The following ADAMTSL1 variants were observed in gnomAD, a reference collection of about 807,000 sequenced individuals.
ADAMTSL1 encodes ADAMTS-like protein 1.
ADAMTSL1 carries 126 observed loss-of-function variants against 201.8 expected under a neutral mutation model. The observed-to-expected ratio is 0.62, with a 90% CI of 0.54 to 0.72. The LOEUF is 0.72. Ranked by LOEUF, ADAMTSL1 falls within the 30% of genes least tolerant of loss-of-function variation. ADAMTSL1 has a pLI of 0.00. For synonymous variants in ADAMTSL1, 1,121 were observed against 903.4 expected (o/e 1.24, Z -4.32); for missense variants, 2,679 against 2,277.8 (o/e 1.18, Z -3.59).
intron 20 of ADAMTSL1, among the ~76,000 whole-genome samples, chr9:18,804,950 A>C (rs1166277226): frequency 1.3e-5 from 2 of 152,168 alleles, no homozygotes; most frequent in Non-Finnish European, 2.9e-5. Flanking sequence ...ATAATACTTC[A>C]TTGCTTTAAA....
chr9:18,599,748 T>A (rs1022850782), intron 4 of ADAMTSL1, among the ~76,000 whole-genome samples: 2 of 151,554 alleles, frequency 1.3e-5, no homozygotes, highest in Non-Finnish European at 2.9e-5. Context: ...CTGTAAAAAT[T>A]TGAATTAGTT....
intron 2 of ADAMTSL1, among the ~76,000 whole-genome samples, chr9:18,347,802 C>G (rs759688459): frequency 1.8e-4 from 28 of 152,112 alleles, no homozygotes; most frequent in Non-Finnish European, 3.5e-4. Flanking sequence ...TTGTTTCAAG[C>G]ACTGCTTTGT....
At chr9:18,290,787 T>TTTTGTTTG (rs1563862919) in intron 2 of ADAMTSL1, among the ~76,000 whole-genome samples, 2 of 146,102 alleles carry the variant, frequency 1.4e-5, no homozygotes, top group Non-Finnish European at 3.0e-5. Context: ...GTGTGTTTTT[T>TTTTGTTTG]TTTTTTTTTT....
intron 2 of ADAMTSL1, among the ~76,000 whole-genome samples, chr9:18,232,630 T>C (rs1477578624): frequency 3.3e-5 from 5 of 152,162 alleles, no homozygotes; most frequent in Non-Finnish European, 7.3e-5. Context: ...GTGGAATGGG[T>C]CTCTGTAGTT....
At chr9:18,728,382 T>C (rs922181526) in intron 15 of ADAMTSL1, among the ~76,000 whole-genome samples, 1 of 152,104 alleles carries the variant, frequency 6.6e-6, no homozygotes, top group African/African-American at 2.4e-5. Context: ...CTGGGAAATG[T>C]CTTTATATAG....
Position 18,770,680 on chromosome 9 carries a change from G to T in ADAMTSL1, c.2296G>T (p.Glu766Ter). Residue 766 changes from glutamate (E) to a stop codon, truncating the protein, a stop_gained, in exon 17 of 29, where the codon GAG becomes TAG. Transcript: ENST00000380548. LOFTEE classifies it high-confidence loss of function. ...KQRMADGSFL[E>*]LPETFCSASK... ...GCGCATGGCTGATGGCAGCTTCCTGGAGCTTCCTGAGACCTTCTGTTCAGC... is the reference window on the plus strand; with the variant it reads ...GCGCATGGCTGATGGCAGCTTCCTGTAGCTTCCTGAGACCTTCTGTTCAGC... 6.2e-7 allele frequency: 1 copy of T among 1,613,684 alleles called. No individual in the cohort carries two copies. The highest frequency in any genetic ancestry group is 8.5e-7 in the Non-Finnish European group (1 of 1,179,830).
intron 1 of ADAMTSL1, among the ~76,000 whole-genome samples, chr9:18,024,728 C>T (rs568034170): frequency 3.9e-5 from 6 of 152,130 alleles, no homozygotes; most frequent in South Asian, 2.1e-4. Flanking sequence ...AATGAACGTA[C>T]GAGTACGTGT....
At chr9:18,804,839 G>A (rs1823005170) in intron 20 of ADAMTSL1, among the ~76,000 whole-genome samples, 1 of 152,240 alleles carries the variant, frequency 6.6e-6, no homozygotes, top group Non-Finnish European at 1.5e-5. Context: ...TTCTTAAGAC[G>A]TTTCTTTGAT....
intron 1 of ADAMTSL1, among the ~76,000 whole-genome samples, chr9:17,931,372 A>G (rs752588853): frequency 6.6e-6 from 1 of 152,108 alleles, no homozygotes; most frequent in African/African-American, 2.4e-5. Context: ...TTCTATTTCA[A>G]TTGTATTGAG....
chr9:18,618,307 C>T (rs532814429), intron 4 of ADAMTSL1, among the ~76,000 whole-genome samples: 1 of 152,188 alleles, frequency 6.6e-6, no homozygotes, highest in African/African-American at 2.4e-5. Flanking sequence ...AGTCTAAGGT[C>T]GCCTATCTGT....
chr9:18,890,538 C>A (rs1258927802), intron 25 of ADAMTSL1: 3 of 455,912 alleles, frequency 6.6e-6, no homozygotes, highest in Non-Finnish European at 1.3e-5. Context: ...TAGGCAACTG[C>A]TTTCTGTTTT....
chr9:18,333,311 C>G (rs1169667280), intron 2 of ADAMTSL1, among the ~76,000 whole-genome samples: 1 of 152,112 alleles, frequency 6.6e-6, no homozygotes, highest in Non-Finnish European at 1.5e-5. Flanking sequence ...ATGCTGTTCT[C>G]ATGATAGTGA....
At chr9:18,020,789 T>G (rs1016328856) in intron 1 of ADAMTSL1, among the ~76,000 whole-genome samples, 1 of 152,116 alleles carries the variant, frequency 6.6e-6, no homozygotes, top group African/African-American at 2.4e-5. Context: ...ACCTCATTGG[T>G]GCTCCTGAAT....
Position 18,665,667 on chromosome 9 carries a change from CT to C in ADAMTSL1, c.1085+3596del, listed in dbSNP as rs375018937. Among the ~76,000 whole-genome samples the C allele has an allele frequency of 2.3e-3, 357 of 152,192 alleles. 4 individuals carry two copies. The highest frequency in any genetic ancestry group is 8.2e-3 in the African/African-American group (341 of 41,560). On this transcript the variant is annotated intron_variant, in intron 9 of 28. Transcript: ENST00000380548. ...TCTCTTTTCCTTTTGTTCCCACCAT[CT>C]TCTTTCTTTACTTTCCCATCTCATT... is the stretch of plus-strand genomic sequence containing the variant.
intron 3 of ADAMTSL1, among the ~76,000 whole-genome samples, chr9:18,536,720 T>C (rs1587492311): frequency 1.3e-5 from 2 of 152,166 alleles, no homozygotes; most frequent in Non-Finnish European, 2.9e-5. Context: ...AAGACAAAGA[T>C]GCTATTGGTA....
At chr9:18,170,438 T>C (rs1457076484) in intron 2 of ADAMTSL1, among the ~76,000 whole-genome samples, 1 of 151,964 alleles carries the variant, frequency 6.6e-6, no homozygotes, top group Non-Finnish European at 1.5e-5. Context: ...CTTGGAGAAA[T>C]ATAATTTTAG....
chr9:18,575,040 C>G (rs1029607067), intron 4 of ADAMTSL1, among the ~76,000 whole-genome samples: 1 of 152,140 alleles, frequency 6.6e-6, no homozygotes, highest in Non-Finnish European at 1.5e-5. Context: ...TTTCATGAAG[C>G]AGACACAAAA....
intron 13 of ADAMTSL1, among the ~76,000 whole-genome samples, chr9:18,688,767 A>G (rs1407622277): frequency 5.9e-5 from 8 of 135,784 alleles, no homozygotes; most frequent in African/African-American, 2.2e-4. Flanking sequence ...TCTCAGCCTC[A>G]TTTTACCCAG....
intron 3 of ADAMTSL1, among the ~76,000 whole-genome samples, chr9:18,551,989 G>A (rs559126082): frequency 1.3e-5 from 2 of 151,816 alleles, no homozygotes; most frequent in South Asian, 2.1e-4. Context: ...TCTTTGTTAA[G>A]AAAGAAGAAA....
Sources: gnomAD v4.1 joint callset for allele counts (sites outside exome capture counted in the v4.1 genomes callset) on GRCh38, gnomAD v4.1.1 for gene constraint, MANE v1.5 for transcripts, NCBI Gene and HGNC (gene_info 2026-07-23, HGNC 2026-07-21) for gene names.